Variants in SCUBE1 observed in about 807,000 individuals in gnomAD.
SCUBE1 encodes signal peptide, CUB and EGF-like domain-containing protein 1.
Under a neutral mutation model 124.4 loss-of-function variants are expected in SCUBE1, and 59 were observed. That is an observed-to-expected ratio of 0.47 (90% confidence interval 0.38 to 0.59). The LOEUF is 0.59. Among genes scored for constraint, SCUBE1 ranks in the 20% least tolerant of loss-of-function variants. The pLI is 0.00. For missense variants in SCUBE1, 1,150 were observed against 1,371.2 expected, an observed-to-expected ratio of 0.84 and a Z score of 2.55; for synonymous variants, 545 against 550.9, an observed-to-expected ratio of 0.99 and a Z score of 0.15.
intron 1 of SCUBE1, among the ~76,000 whole-genome samples, chr22:43,340,098 C>T (rs1248488379): frequency 2.0e-5 from 3 of 151,472 alleles, no homozygotes; most frequent in Non-Finnish European, 4.4e-5. Flanking sequence ...TGCCAGGAGG[C>T]TCCTGCAGGT....
intron 3 of SCUBE1, among the ~76,000 whole-genome samples, chr22:43,295,004 T>A (rs1026743904): frequency 1.3e-5 from 2 of 152,148 alleles, no homozygotes; most frequent in African/African-American, 4.8e-5. Context: ...GTGAGAAAAC[T>A]GGGGCCTGGA....
intron 6 of SCUBE1, among the ~76,000 whole-genome samples, chr22:43,243,068 C>G (rs1286594262): frequency 6.6e-6 from 1 of 152,238 alleles, no homozygotes; most frequent in African/African-American, 2.4e-5. Context: ...CAATCGTGGG[C>G]CCTTCTAAGG....
At chr22:43,224,444 G>T (rs961155540) in intron 10 of SCUBE1, among the ~76,000 whole-genome samples, 1 of 152,318 alleles carries the variant, frequency 6.6e-6, no homozygotes, top group Non-Finnish European at 1.5e-5. Context: ...CATGAGTTTT[G>T]TTGTGCTCTG....
chr22:43,241,965 C>T (rs1041596876), intron 6 of SCUBE1, among the ~76,000 whole-genome samples: 1 of 152,240 alleles, frequency 6.6e-6, no homozygotes, highest in Non-Finnish European at 1.5e-5. Context: ...CTGGGGCAGG[C>T]TGCAGCCTCT....
intron 11 of SCUBE1, 66 bp from the exon 12 acceptor site, chr22:43,222,808 G>C: frequency 8.1e-7 from 1 of 1,241,698 alleles, no homozygotes; most frequent in Non-Finnish European, 1.2e-6. Flanking sequence ...CAGATTCTTG[G>C]GGCCTCAGAG....
At chr22:43,323,257 C>T (rs114796381) in intron 2 of SCUBE1, among the ~76,000 whole-genome samples, 1,526 of 152,206 alleles carry the variant, frequency 0.01, 30 homozygotes, top group African/African-American at 0.034. Context: ...TGTGTGCATG[C>T]CTATCTACCC....
intron 6 of SCUBE1, among the ~76,000 whole-genome samples, chr22:43,256,266 A>G (rs1463995235): frequency 6.6e-6 from 1 of 152,220 alleles, no homozygotes; most frequent in Non-Finnish European, 1.5e-5. Flanking sequence ...AGGGGATGCA[A>G]AGAGGGATCA....
intron 3 of SCUBE1, among the ~76,000 whole-genome samples, chr22:43,317,504 T>C (rs1281699492): frequency 6.6e-6 from 1 of 152,152 alleles, no homozygotes; most frequent in African/African-American, 2.4e-5. Flanking sequence ...CTGCTTCTCA[T>C]AGCCTCCCTC....
intron 2 of SCUBE1, among the ~76,000 whole-genome samples, chr22:43,335,841 ATAATG>A (rs1927053516): frequency 1.6e-5 from 2 of 122,452 alleles, no homozygotes; most frequent in African/African-American, 6.7e-5. Context: ...GGTGATGATG[ATAATG>A]ATGATGGTGG....
intron 6 of SCUBE1, among the ~76,000 whole-genome samples, chr22:43,254,041 C>T (rs1015427066): frequency 6.6e-6 from 1 of 152,238 alleles, no homozygotes; most frequent in East Asian, 1.9e-4. Context: ...TTGGCTGGGG[C>T]TGAGGCTGGA....
chr22:43,257,593 C>A (rs925579480), intron 6 of SCUBE1, among the ~76,000 whole-genome samples: 1 of 152,122 alleles, frequency 6.6e-6, no homozygotes, highest in Non-Finnish European at 1.5e-5. Context: ...GCGGGAAGAG[C>A]GGACTTCAGG....
At position 43,321,439 on chromosome 22, in the gene SCUBE1, G is replaced by A. The variant is rs143706066; in HGVS notation, c.221-1374C>T. On this transcript the variant is annotated intron_variant, in intron 2 of 21. Coordinates refer to ENST00000360835, the MANE Select transcript of SCUBE1 (RefSeq NM_173050.5). ...AGTGCCGGTCTGCAAGGTAGAAGCT[G>A]TTGCAGGAGGTAGTGAGCTCCCTGA... is the stretch of plus-strand genomic sequence containing the variant. Among the ~76,000 whole-genome samples, 538 of 152,346 alleles carry A rather than the reference G, an allele frequency of 3.5e-3. 3 individuals are homozygous for A. The highest frequency in any genetic ancestry group is 0.012 in the African/African-American group (515 of 41,592).
intron 3 of SCUBE1, among the ~76,000 whole-genome samples, chr22:43,302,377 G>C (rs953105915): frequency 5.9e-5 from 9 of 152,210 alleles, no homozygotes; most frequent in Admixed American, 2.6e-4. Context: ...TGAGTGGAGA[G>C]GGAAGCGGTC....
intron 4 of SCUBE1, 150 bp from the exon 5 acceptor site, chr22:43,262,995 A>C: frequency 2.6e-6 from 2 of 782,490 alleles, no homozygotes; most frequent in Non-Finnish European, 4.1e-6. Flanking sequence ...TTGCGCACAC[A>C]CACATATGCG....
At chr22:43,317,859 GC>G (rs1601886573) in intron 3 of SCUBE1, among the ~76,000 whole-genome samples, 1 of 152,316 alleles carries the variant, frequency 6.6e-6, no homozygotes, top group East Asian at 1.9e-4. Flanking sequence ...GTTAGGGTGG[GC>G]CTAATGCAAC....
At chr22:43,331,655 G>C (rs1012497045) in intron 2 of SCUBE1, among the ~76,000 whole-genome samples, 3 of 152,160 alleles carry the variant, frequency 2.0e-5, no homozygotes, top group Non-Finnish European at 4.4e-5. Context: ...GCTATAATTT[G>C]GTCCTTTTCC....
intron 4 of SCUBE1, among the ~76,000 whole-genome samples, chr22:43,274,028 TC>T (rs1924398977): frequency 6.6e-6 from 1 of 151,792 alleles, no homozygotes; most frequent in South Asian, 2.1e-4. Context: ...CTGCCTCGTT[TC>T]TTCCCCGTTC....
rs1265902347 is a variant in SCUBE1 at position 43,343,253 on chromosome 22, C to T, written c.9G>A (p.Ala3=). The change falls in exon 1 of 22, where the codon GCG becomes GCA. Residue 3 remains alanine (A), a synonymous_variant. Coordinates refer to ENST00000360835, the MANE Select transcript of SCUBE1 (RefSeq NM_173050.5). MG[A]AAVRWHLCVL... ...CGCACAAGTGCCAGCGCACGGCCGC[C>T]GCGCCCATGCTCAATGCGGGCCCCG... is the stretch of plus-strand genomic sequence containing the variant. 1 of 1,177,578 alleles carries T rather than the reference C, an allele frequency of 8.5e-7. No individual in the cohort carries two copies. The highest frequency in any genetic ancestry group is 1.6e-5 in the African/African-American group (1 of 61,358). 72.9% of individuals were successfully genotyped at this position (1,177,578 alleles called of 1,614,324 possible). A position where few individuals can be genotyped will look rare whatever the true frequency, so the allele number is the denominator to read the frequency against.
chr22:43,229,337 G>A, intron 8 of SCUBE1, 149 bp from the exon 9 acceptor site: 2 of 652,978 alleles, frequency 3.1e-6, no homozygotes, highest in Non-Finnish European at 5.6e-6. Flanking sequence ...ACAGGAAATG[G>A]GAGACTCCTT....
Sources: gnomAD v4.1 joint callset for allele counts (sites outside exome capture counted in the v4.1 genomes callset) on GRCh38, gnomAD v4.1.1 for gene constraint, MANE v1.5 for transcripts, NCBI Gene and HGNC (gene_info 2026-07-23, HGNC 2026-07-21) for gene names.